Variants in ZMYM2 observed in about 807,000 individuals in gnomAD.
The protein encoded by ZMYM2 is zinc finger MYM-type protein 2.
ZMYM2 carries 56 observed loss-of-function variants against 162.8 expected under a neutral mutation model. That is an observed-to-expected ratio of 0.34 (90% CI 0.28 to 0.43). ZMYM2 has a LOEUF of 0.43. ZMYM2 is among the 20% of genes least tolerant of loss of function. The pLI is 1.00. For missense variants in ZMYM2, 1,275 were observed against 1,621.8 expected, an observed-to-expected ratio of 0.79 and a Z score of 3.67; for synonymous variants, 510 against 541.6, an observed-to-expected ratio of 0.94 and a Z score of 0.81.
chr13:19,882,830 T>C, the ZMYM2 span, among the ~76,000 whole-genome samples: 3 of 152,184 alleles, frequency 2.0e-5, no homozygotes, highest in Non-Finnish European at 4.4e-5. Context: ...ATGGAGCAAC[T>C]ACTGTGGAAA....
chr13:20,034,488 CAATTTTAATG>C, intron 11 of ZMYM2, 84 bp downstream of exon 11: 1 of 1,271,860 alleles, frequency 7.9e-7, no homozygotes, highest in Non-Finnish European at 1.0e-6. Flanking sequence ...AGTGGCTGCA[CAATTTTAATG>C]TAGCTGAACA....
At chr13:19,891,175 A>G in the ZMYM2 span, among the ~76,000 whole-genome samples, 751 of 152,006 alleles carry the variant, frequency 4.9e-3, 21 homozygotes, top group African/African-American at 0.018. Context: ...CTTCACTCTA[A>G]TAGGACTAGA....
the ZMYM2 span, among the ~76,000 whole-genome samples, chr13:19,907,531 A>G: frequency 1.3e-5 from 2 of 152,036 alleles, no homozygotes; most frequent in African/African-American, 4.8e-5. Flanking sequence ...AGGCCAAGAT[A>G]GGCAGATCAC....
chr13:19,989,089 T>C (rs2312963), intron 2 of ZMYM2, among the ~76,000 whole-genome samples: 146,889 of 152,282 alleles, frequency 0.96, 71,075 homozygotes, highest in East Asian at 1. Flanking sequence ...ATGATGTGAT[T>C]CTCTCAAGAG....
the ZMYM2 span, among the ~76,000 whole-genome samples, chr13:19,889,668 T>C: frequency 6.6e-6 from 1 of 151,932 alleles, no homozygotes; most frequent in African/African-American, 2.4e-5. Flanking sequence ...CAGATGCTGA[T>C]ACCATTTATC....
At chr13:19,950,949 A>G in the ZMYM2 span, among the ~76,000 whole-genome samples, 149,852 of 152,368 alleles carry the variant, frequency 0.98, 73,742 homozygotes, top group Middle Eastern at 1. Flanking sequence ...TGTAGCCCAG[A>G]ATGGCTTTGA....
intron 3 of ZMYM2, among the ~76,000 whole-genome samples, chr13:19,995,296 A>G (rs1949934796): frequency 6.6e-6 from 1 of 152,190 alleles, no homozygotes; most frequent in Admixed American, 6.5e-5. Context: ...ACAACTCGAT[A>G]ATGCCGTGTT....
At chr13:19,966,987 G>A (rs143439901) in intron 2 of ZMYM2, among the ~76,000 whole-genome samples, 1 of 152,098 alleles carries the variant, frequency 6.6e-6, no homozygotes, top group Non-Finnish European at 1.5e-5. Flanking sequence ...TGGAAGAGAA[G>A]CTTCTGTTCC....
At chr13:20,040,525 A>G (rs570131640) in intron 12 of ZMYM2, among the ~76,000 whole-genome samples, 1 of 151,018 alleles carries the variant, frequency 6.6e-6, no homozygotes, top group Admixed American at 6.6e-5. Flanking sequence ...AATCCCGCCC[A>G]CCCCTGCACG....
chr13:19,964,984 A>C (rs1271301552), intron 2 of ZMYM2, among the ~76,000 whole-genome samples: 1 of 152,224 alleles, frequency 6.6e-6, no homozygotes, highest in Non-Finnish European at 1.5e-5. Context: ...TTGGATAAGA[A>C]AAATACTTAA....
intron 3 of ZMYM2, among the ~76,000 whole-genome samples, chr13:19,995,936 A>G (rs539031431): frequency 3.7e-4 from 57 of 152,244 alleles, no homozygotes; most frequent in African/African-American, 1.2e-3. Context: ...GGTTGCAGTG[A>G]GCCAGGATTG....
chr13:20,051,582 T>C lies in ZMYM2; in HGVS notation c.2442T>C (p.Pro814=), dbSNP rs1955350706. 1.2e-6 allele frequency: 2 copies of C among 1,611,890 alleles called. No homozygotes were observed. The highest frequency in any genetic ancestry group is 8.5e-7 in the Non-Finnish European group (1 of 1,179,010). Reference sequence around the variant, plus strand: ...CCAACATGACAACTCAGAAAGGACCTGAAAACTTACATTATGGTATGTAAT... The same window carrying C: ...CCAACATGACAACTCAGAAAGGACCCGAAAACTTACATTATGGTATGTAAT... The part of the protein sequence containing the change: ...NEPNMTTQKG[P]ENLHYDQGCQ... Residue 814 remains proline (P), a synonymous_variant, in exon 13 of 25, where the codon CCT becomes CCC. Coordinates refer to ENST00000610343, the MANE Select transcript of ZMYM2 (RefSeq NM_197968.4).
In ZMYM2 at chr13:19,976,407, A is replaced by C. The variant is rs138244199; in HGVS notation, c.-11+16381A>C. Among the ~76,000 whole-genome samples the C allele has an allele frequency of 3.4e-3, 516 of 150,048 alleles. 1 individual carries two copies. Among genetic ancestry groups the C allele is most frequent in the East Asian group, 0.01 (52 of 5,154 alleles). ...AAATGGTACTTTTTTTTTCTTTTTT[A>C]TTTTAAATTGTAAAAAAACAACATA... On this transcript the variant is annotated intron_variant, in intron 2 of 24. Coordinates refer to ENST00000610343, the MANE Select transcript of ZMYM2 (RefSeq NM_197968.4).
chr13:20,064,781 G>A (rs1566437030), intron 19 of ZMYM2, among the ~76,000 whole-genome samples: 4 of 142,622 alleles, frequency 2.8e-5, no homozygotes, highest in East Asian at 1.9e-4. Context: ...AGTAATAATA[G>A]TAGTAATAAT....
At chr13:19,946,649 T>C in the ZMYM2 span, among the ~76,000 whole-genome samples, 1 of 152,218 alleles carries the variant, frequency 6.6e-6, no homozygotes, top group Non-Finnish European at 1.5e-5. Context: ...AGGAACTACA[T>C]CCGTGTGATT....
intron 2 of ZMYM2, among the ~76,000 whole-genome samples, chr13:19,972,662 T>A (rs1301292264): frequency 6.6e-6 from 1 of 152,076 alleles, no homozygotes. Context: ...TTCTTCAGAT[T>A]TATGAGTGTT....
chr13:19,986,694 T>C (rs1041988727), intron 2 of ZMYM2, among the ~76,000 whole-genome samples: 1 of 152,202 alleles, frequency 6.6e-6, no homozygotes, highest in Non-Finnish European at 1.5e-5. Flanking sequence ...ATACAAGTAC[T>C]GTCATCAGTA....
chr13:19,991,260 T>A (rs936980597), intron 2 of ZMYM2, among the ~76,000 whole-genome samples: 1 of 152,048 alleles, frequency 6.6e-6, no homozygotes, highest in Admixed American at 6.6e-5. Flanking sequence ...ACTACAGATG[T>A]GCGCCACCAT....
At chr13:19,907,216 C>G in the ZMYM2 span, among the ~76,000 whole-genome samples, 15 of 152,176 alleles carry the variant, frequency 9.9e-5, 1 homozygote, top group African/African-American at 3.6e-4. Context: ...TCTTTTTATT[C>G]TAGTCATGGA....
Sources: allele counts gnomAD v4.1 joint callset (sites outside exome capture counted in the v4.1 genomes callset), GRCh38; gene constraint gnomAD v4.1.1; transcripts MANE v1.5; gene names NCBI Gene and HGNC (gene_info 2026-07-23, HGNC 2026-07-21).